The following ZNF33B variants were observed in gnomAD, a reference collection of about 807,000 sequenced individuals.
ZNF33B encodes zinc finger protein 33B, also known as zinc finger protein 11b (KOX 2).
ZNF33B carries 29 observed loss-of-function variants against 45.8 expected under a neutral mutation model. The observed-to-expected ratio is 0.63, with a 90% confidence interval of 0.47 to 0.86. The LOEUF (loss-of-function observed/expected upper bound fraction) is 0.86, where lower values mean the gene tolerates loss of function less well. ZNF33B is among the 40% of genes least tolerant of loss of function. The probability of loss-of-function intolerance (pLI) is 0.00; values close to 1 mark genes in which losing one functional copy is unlikely to be tolerated. For synonymous variants in ZNF33B, 305 were observed against 307.8 expected (o/e 0.99, Z 0.10); for missense variants, 831 against 909.9 (o/e 0.91, Z 1.12).
chr10:42,584,418 T>A (rs1589011964), downstream of ZNF33B, among the ~76,000 whole-genome samples: 1 of 151,942 alleles, frequency 6.6e-6, no homozygotes. Flanking sequence ...GGTGTGGTGG[T>A]CAAATTGCCA....
intron 1 of ZNF33B, among the ~76,000 whole-genome samples, chr10:42,583,834 C>T (rs550080390): frequency 2.0e-5 from 3 of 152,124 alleles, no homozygotes; most frequent in African/African-American, 7.2e-5. Context: ...GAAGCTGGAA[C>T]CTCTTACGTC....
chr10:42,599,115 T>G (rs984875053), intron 4 of ZNF33B, among the ~76,000 whole-genome samples: 2 of 152,198 alleles, frequency 1.3e-5, no homozygotes, highest in Admixed American at 6.5e-5. Context: ...AACTGATAAT[T>G]TACAGGTATA....
At chr10:42,625,433 T>C (rs1838763874) in intron 4 of ZNF33B, among the ~76,000 whole-genome samples, 1 of 152,216 alleles carries the variant, frequency 6.6e-6, no homozygotes, top group African/African-American at 2.4e-5. Context: ...CTGAAACTTT[T>C]TGGAAATCAT....
At chr10:42,613,925 T>C (rs1838204307) in intron 4 of ZNF33B, among the ~76,000 whole-genome samples, 1 of 152,204 alleles carries the variant, frequency 6.6e-6, no homozygotes, top group Admixed American at 6.5e-5. Context: ...AGGAAATATA[T>C]AAGATAAGCC....
At chr10:42,585,365 G>GA (rs140594150), downstream of ZNF33B, among the ~76,000 whole-genome samples, 1 of 152,322 alleles carries the variant, frequency 6.6e-6, no homozygotes, top group African/African-American at 2.4e-5. Flanking sequence ...GAACCAAGGT[G>GA]AAAATAGGTA....
At chr10:42,585,741 A>G (rs1281964062), downstream of ZNF33B, among the ~76,000 whole-genome samples, 1 of 152,228 alleles carries the variant, frequency 6.6e-6, no homozygotes, top group African/African-American at 2.4e-5. Flanking sequence ...ATATATTTAC[A>G]TGTACCTTGC....
chr10:42,610,543 A>C (rs947549527), intron 4 of ZNF33B, among the ~76,000 whole-genome samples: 1 of 152,208 alleles, frequency 6.6e-6, no homozygotes, highest in African/African-American at 2.4e-5. Flanking sequence ...TGTTTCAATA[A>C]ATAAATAAAT....
intron 4 of ZNF33B, among the ~76,000 whole-genome samples, chr10:42,623,965 C>CCA (rs60396597): frequency 0.15 from 22,920 of 152,212 alleles, 2,508 homozygotes; most frequent in African/African-American, 0.31. Context: ...TAACAAAATA[C>CCA]CAGACAGTAT....
At chr10:42,597,847 T>C (rs1837465143) in intron 4 of ZNF33B, among the ~76,000 whole-genome samples, 1 of 152,182 alleles carries the variant, frequency 6.6e-6, no homozygotes, top group Admixed American at 6.5e-5. Flanking sequence ...ATTTTACATA[T>C]AAATTTATAC....
intron 1 of ZNF33B, 83 bp from the exon 2 acceptor site, chr10:42,637,055 A>T: frequency 7.5e-7 from 1 of 1,338,346 alleles, no homozygotes; most frequent in Non-Finnish European, 1.1e-6. Flanking sequence ...AAGAAGCCAT[A>T]CACACCCACT....
chr10:42,624,492 C>T (rs1838717220), intron 4 of ZNF33B, among the ~76,000 whole-genome samples: 1 of 152,150 alleles, frequency 6.6e-6, no homozygotes, highest in Non-Finnish European at 1.5e-5. Flanking sequence ...CCTGAAGCCT[C>T]AGATAGTATT....
chr10:42,581,184 A>C (rs1189088809), intron 1 of ZNF33B, among the ~76,000 whole-genome samples: 1 of 152,036 alleles, frequency 6.6e-6, no homozygotes, highest in Non-Finnish European at 1.5e-5. Context: ...CATCAAATCC[A>C]AGAATGAAAG....
In ZNF33B at chr10:42,591,276, C is replaced by T; in HGVS notation, c.*1337G>A. 1.1e-6 allele frequency: 1 copy of T among 923,758 alleles called. No homozygotes were observed. The highest frequency in any genetic ancestry group is 1.3e-6 in the Non-Finnish European group (1 of 774,210). The allele number at this position is 923,758 out of a possible 1,614,324, so 57.2% of individuals were successfully genotyped here. A position where few individuals can be genotyped will look rare whatever the true frequency, so the allele number is the denominator to read the frequency against. ...AGGGCCCTGTCTTGGAGAGCAGCTGCTTAAAGAAAATTTGGACTATCACTT... is the reference window on the plus strand; with the variant it reads ...AGGGCCCTGTCTTGGAGAGCAGCTGTTTAAAGAAAATTTGGACTATCACTT... On this transcript the variant is annotated 3_prime_UTR_variant, in exon 5 of 5. Transcript: ENST00000359467.
At chr10:42,636,795 T>C in intron 2 of ZNF33B, 125 bp downstream of exon 2, 1 of 1,398,150 alleles carries the variant, frequency 7.2e-7, no homozygotes, top group South Asian at 1.2e-5. Flanking sequence ...GACACTGCGC[T>C]CCAGCCTGGG....
downstream of ZNF33B, among the ~76,000 whole-genome samples, chr10:42,585,152 T>C (rs556703871): frequency 1.3e-4 from 20 of 152,326 alleles, 2 homozygotes; most frequent in South Asian, 4.1e-3. Context: ...CTCTGCCTTG[T>C]GGACACCACT....
At chr10:42,636,761 A>G in intron 2 of ZNF33B, 159 bp downstream of exon 2, 3 of 921,794 alleles carry the variant, frequency 3.3e-6, no homozygotes, top group Non-Finnish European at 5.0e-6. Context: ...CAGAGGTTGC[A>G]AGGTTGCAGT....
rs1413741692 is a variant in ZNF33B at position 42,589,616 on chromosome 10, T to C, written c.*2997A>G. The C allele has an allele frequency of 6.6e-6, 1 of 152,162 alleles. No homozygotes were observed. Among genetic ancestry groups the C allele is most frequent in the African/African-American group, 2.4e-5 (1 of 41,404 alleles). 9.4% of individuals were successfully genotyped at this position (152,162 alleles called of 1,614,324 possible). On this transcript the variant is annotated 3_prime_UTR_variant, in exon 5 of 5. Transcript: ENST00000359467. ...GGGTTCCTATATGTCTTTTAATGAC[T>C]TGATGTCTAATTCTTTTTTATCATA...
At chr10:42,583,241 G>C (rs1294205635) in intron 1 of ZNF33B, 16 of 642,430 alleles carry the variant, frequency 2.5e-5, no homozygotes, top group African/African-American at 2.5e-4. Flanking sequence ...TTAACCAAAG[G>C]AGGGAGACAA....
At chr10:42,598,306 G>A (rs1564503069) in intron 4 of ZNF33B, among the ~76,000 whole-genome samples, 1 of 152,258 alleles carries the variant, frequency 6.6e-6, no homozygotes, top group African/African-American at 2.4e-5. Flanking sequence ...GAATGGCAGA[G>A]GGACAGACTT....
Sources: allele counts gnomAD v4.1 joint callset (sites outside exome capture counted in the v4.1 genomes callset), GRCh38; gene constraint gnomAD v4.1.1; transcripts MANE v1.5; gene names NCBI Gene and HGNC (gene_info 2026-07-23, HGNC 2026-07-21).